Variants in MNAT1 observed in about 807,000 individuals in gnomAD.
The protein encoded by MNAT1 is MNAT1 component of CDK activating kinase.
MNAT1 carries 43 observed loss-of-function variants against 42.0 expected under a neutral mutation model. The observed-to-expected ratio is 1.02, with a 90% CI of 0.80 to 1.32. The LOEUF (loss-of-function observed/expected upper bound fraction) is 1.32. Ranked by LOEUF, MNAT1 falls within the 40% of genes most tolerant of loss-of-function variation. MNAT1 has a pLI of 0.00. For missense variants in MNAT1, 306 were observed against 350.4 expected (o/e 0.87, Z 1.01); for synonymous variants, 118 against 120.0 (o/e 0.98, Z 0.11).
At chr14:60,808,481 C>A in intron 4 of MNAT1, 53 bp downstream of exon 4, 2 of 1,098,370 alleles carry the variant, frequency 1.8e-6, no homozygotes, top group Non-Finnish European at 1.3e-6. Flanking sequence ...AATGTTTCCA[C>A]ATGATACTTT....
At chr14:60,911,703 TG>T (rs1189286977) in intron 7 of MNAT1, among the ~76,000 whole-genome samples, 1 of 152,258 alleles carries the variant, frequency 6.6e-6, no homozygotes, top group African/African-American at 2.4e-5. Flanking sequence ...TTATAATTTT[TG>T]TTCTTTTACA....
At chr14:60,874,474 A>G (rs1188119063) in intron 6 of MNAT1, among the ~76,000 whole-genome samples, 1 of 150,984 alleles carries the variant, frequency 6.6e-6, no homozygotes, top group Non-Finnish European at 1.5e-5. Context: ...TCTTTTATTG[A>G]TTCTTCCTCT....
Position 60,815,268 on chromosome 14 carries a change from T to C in MNAT1, c.561+3141T>C, listed in dbSNP as rs374645611. On this transcript the variant is annotated intron_variant, in intron 5 of 7. Transcript: ENST00000261245. ...GTCTTGCTCTGTGCCCCAGCTGGAG[T>C]GCAGTGGCGTGATCTTGGCTCACTG... Among the ~76,000 whole-genome samples, 24 of 151,874 alleles carry C rather than the reference T, an allele frequency of 1.6e-4. No homozygotes were observed. The East Asian group carries it at 2.7e-3, about 17-fold the overall frequency.
chr14:60,741,533 G>T (rs377482989), intron 1 of MNAT1, among the ~76,000 whole-genome samples: 1 of 151,378 alleles, frequency 6.6e-6, no homozygotes, highest in African/African-American at 2.4e-5. Flanking sequence ...CTAATTTTTT[G>T]TATTTTTAAT....
chr14:60,872,491 C>T (rs901661027), intron 6 of MNAT1, among the ~76,000 whole-genome samples: 2 of 152,026 alleles, frequency 1.3e-5, no homozygotes, highest in African/African-American at 4.8e-5. Flanking sequence ...AGATTGCTAC[C>T]GATTCTTGCA....
chr14:60,818,142 G>GGGTGC (rs1566779483), intron 5 of MNAT1, among the ~76,000 whole-genome samples: 1 of 151,786 alleles, frequency 6.6e-6, no homozygotes, highest in Non-Finnish European at 1.5e-5. Context: ...AAATGTGTCT[G>GGGTGC]AGTGCTTATA....
chr14:60,819,315 ATATTTTATTGTT>A (rs1365456261), intron 6 of MNAT1, among the ~76,000 whole-genome samples: 1 of 151,536 alleles, frequency 6.6e-6, no homozygotes, highest in Non-Finnish European at 1.5e-5. Context: ...TTGTATTGTT[ATATTTTATTGTT>A]TATTTTAGCA....
intron 7 of MNAT1, among the ~76,000 whole-genome samples, chr14:60,940,184 C>T (rs1244285520): frequency 6.6e-6 from 1 of 152,144 alleles, no homozygotes; most frequent in Non-Finnish European, 1.5e-5. Context: ...GACTCTTTAT[C>T]CAATTTGCCA....
rs1555375162 is a variant in MNAT1, at chr14:60,794,678, T to TAA, written c.90-1536_90-1535dup. Among the ~76,000 whole-genome samples, 553 of 133,116 alleles carry TAA rather than the reference T, an allele frequency of 4.2e-3. 13 individuals carry two copies. The highest frequency in any genetic ancestry group is 0.015 in the African/African-American group (515 of 35,344). 87.3% of individuals were successfully genotyped at this position (133,116 alleles called of 152,430 possible). On this transcript the variant is annotated intron_variant, in intron 1 of 7. Coordinates refer to ENST00000261245, the MANE Select transcript of MNAT1 (RefSeq NM_002431.4). ...AAAAAAAAATATATATATATATATA[T>TAA]AAAATAGGTATATATATACATATGT...
chr14:60,885,960 G>A (rs2139475331), intron 7 of MNAT1, among the ~76,000 whole-genome samples: 1 of 152,012 alleles, frequency 6.6e-6, no homozygotes, highest in East Asian at 1.9e-4. Flanking sequence ...TATGATAAGG[G>A]CCAGTTTCAT....
At chr14:60,904,187 G>C (rs1167963954) in intron 7 of MNAT1, among the ~76,000 whole-genome samples, 1 of 152,098 alleles carries the variant, frequency 6.6e-6, no homozygotes, top group African/African-American at 2.4e-5. Flanking sequence ...TTATATGTTA[G>C]TTTTACAGAA....
At chr14:60,785,640 A>G (rs2031623872) in intron 1 of MNAT1, among the ~76,000 whole-genome samples, 1 of 152,152 alleles carries the variant, frequency 6.6e-6, no homozygotes, top group Admixed American at 6.6e-5. Context: ...GAGGTAGGAG[A>G]TGATAGTTTA....
intron 6 of MNAT1, among the ~76,000 whole-genome samples, chr14:60,862,216 T>C (rs904017180): frequency 6.6e-6 from 1 of 152,222 alleles, no homozygotes; most frequent in Non-Finnish European, 1.5e-5. Context: ...ATTAAAAGTC[T>C]TATGATTTTT....
chr14:60,776,177 G>T (rs2031242330), intron 1 of MNAT1, among the ~76,000 whole-genome samples: 1 of 152,162 alleles, frequency 6.6e-6, no homozygotes, highest in South Asian at 2.1e-4. Flanking sequence ...TAAGGATGAG[G>T]TTAGGACCTT....
chr14:60,750,444 A>T (rs2030031113), intron 1 of MNAT1, among the ~76,000 whole-genome samples: 1 of 148,204 alleles, frequency 6.7e-6, no homozygotes, highest in Admixed American at 6.8e-5. Flanking sequence ...GTTAGCCAGG[A>T]TCGTCTCGAT....
At position 60,779,652 on chromosome 14, in the gene MNAT1, G is replaced by T. The variant is rs550518252; in HGVS notation, c.90-16565G>T. Reference sequence around the variant, plus strand: ...ATACAAAAAATTAGCTGGGTGTGGTGGTGCACGCCTGTAATCCCAGCTACT... The same window carrying T: ...ATACAAAAAATTAGCTGGGTGTGGTTGTGCACGCCTGTAATCCCAGCTACT... On this transcript the variant is annotated intron_variant, in intron 1 of 7. Coordinates refer to ENST00000261245, the MANE Select transcript of MNAT1 (RefSeq NM_002431.4). Among the ~76,000 whole-genome samples the T allele has an allele frequency of 2.0e-4, 30 of 152,170 alleles. No individual in the cohort carries two copies. In the South Asian group the frequency reaches 6.2e-3, roughly 32 times the overall value.
chr14:60,754,540 G>A (rs559856463), intron 1 of MNAT1, among the ~76,000 whole-genome samples: 5 of 151,872 alleles, frequency 3.3e-5, no homozygotes, highest in South Asian at 2.1e-4. Context: ...TAGTAGAGAC[G>A]GGGTTTCACC....
In MNAT1 at chr14:60,835,853, G is replaced by A. The variant is rs570730952; in HGVS notation, c.687+17006G>A. Among the ~76,000 whole-genome samples, 112 of 152,226 alleles carry A rather than the reference G, an allele frequency of 7.4e-4. No individual in the cohort carries two copies. In the South Asian group the frequency reaches 0.014, roughly 19 times the overall value. On this transcript the variant is annotated intron_variant, in intron 6 of 7. Coordinates refer to ENST00000261245, the MANE Select transcript of MNAT1 (RefSeq NM_002431.4). Reference sequence around the variant, plus strand: ...TTTCCAGCTTGGTTCCGTTCTTTCCGTCACTTTCAGGTACACCAGTCAAAC... The same window carrying A: ...TTTCCAGCTTGGTTCCGTTCTTTCCATCACTTTCAGGTACACCAGTCAAAC...
chr14:60,917,196 T>C (rs973248210), intron 7 of MNAT1, among the ~76,000 whole-genome samples: 2 of 152,162 alleles, frequency 1.3e-5, no homozygotes, highest in Admixed American at 1.3e-4. Context: ...TGAGCAGAGG[T>C]TGGCGTAGCC....
Sources: gnomAD v4.1 joint callset for allele counts (sites outside exome capture counted in the v4.1 genomes callset) on GRCh38, gnomAD v4.1.1 for gene constraint, MANE v1.5 for transcripts, NCBI Gene and HGNC (gene_info 2026-07-23, HGNC 2026-07-21) for gene names.